Variants in RGL1 observed in about 807,000 individuals in gnomAD.
RGL1 encodes the protein ral guanine nucleotide dissociation stimulator-like 1.
Under a neutral mutation model 95.2 loss-of-function variants are expected in RGL1, and 24 were observed. That is an observed-to-expected ratio of 0.25 (90% CI 0.18 to 0.35). The LOEUF (loss-of-function observed/expected upper bound fraction) is 0.35, where lower values mean the gene tolerates loss of function less well. RGL1 is among the 10% of genes least tolerant of loss of function. The pLI is 1.00. For missense variants in RGL1, 715 were observed against 936.3 expected (o/e 0.76, Z 3.08); for synonymous variants, 329 against 344.9 (o/e 0.95, Z 0.51).
intron 16 of RGL1, 69 bp downstream of exon 16, chr1:183,916,770 C>T: frequency 6.5e-7 from 1 of 1,546,088 alleles, no homozygotes; most frequent in South Asian, 1.2e-5. Flanking sequence ...GTCGGCCGCT[C>T]AGACTAATAG....
chr1:183,657,807 G>A (rs1434040935), intron 1 of RGL1, among the ~76,000 whole-genome samples: 1 of 151,774 alleles, frequency 6.6e-6, no homozygotes, highest in African/African-American at 2.4e-5. Context: ...TATATACCCA[G>A]TAATGGGATG....
chr1:183,715,597 A>T (rs1655570490), intron 1 of RGL1, among the ~76,000 whole-genome samples: 1 of 152,160 alleles, frequency 6.6e-6, no homozygotes, highest in Admixed American at 6.5e-5. Context: ...ACACCAAGTA[A>T]CTAAGAATTG....
At chr1:183,690,005 A>G (rs1437097456) in intron 1 of RGL1, among the ~76,000 whole-genome samples, 1 of 152,220 alleles carries the variant, frequency 6.6e-6, no homozygotes, top group Non-Finnish European at 1.5e-5. Context: ...CTGTGTGTCT[A>G]TGAGGAAGTT....
At chr1:183,824,459 C>T (rs892303390) in intron 2 of RGL1, among the ~76,000 whole-genome samples, 3 of 152,104 alleles carry the variant, frequency 2.0e-5, no homozygotes, top group African/African-American at 7.2e-5. Context: ...GATCATTTTC[C>T]TTGATAGGGA....
intron 1 of RGL1, among the ~76,000 whole-genome samples, chr1:183,725,314 A>T (rs1329178439): frequency 6.6e-6 from 1 of 152,208 alleles, no homozygotes. Flanking sequence ...TCAGTAATTT[A>T]TAAAGGAAAG....
intron 5 of RGL1, among the ~76,000 whole-genome samples, chr1:183,882,754 G>C (rs547045395): frequency 6.6e-6 from 1 of 152,110 alleles, no homozygotes; most frequent in African/African-American, 2.4e-5. Flanking sequence ...GTCCACTCTC[G>C]GAAGCTCCTT....
In RGL1 at chr1:183,719,273, T is replaced by G. The variant is rs192124801; in HGVS notation, c.-32-22853T>G. Among the ~76,000 whole-genome samples, 6 of 152,352 alleles carry G rather than the reference T, an allele frequency of 3.9e-5. No homozygotes were observed. The East Asian group carries it at 9.6e-4, about 24-fold the overall frequency. On this transcript the variant is annotated intron_variant, in intron 1 of 18. Coordinates refer to the RGL1 transcript ENST00000304685. The stretch of plus-strand genomic sequence containing the variant: ...ATTCATTGATAGTCCAAGTTGAGTA[T>G]GTTTTGAGACACTTACTGAGCAGTC...
chr1:183,904,624 G>A (rs1668209002), intron 12 of RGL1, among the ~76,000 whole-genome samples: 1 of 152,068 alleles, frequency 6.6e-6, no homozygotes. Context: ...GGAGAAAAGA[G>A]GATTAAAAAT....
chr1:183,663,085 G>C (rs1284850059), intron 1 of RGL1, among the ~76,000 whole-genome samples: 2 of 151,212 alleles, frequency 1.3e-5, no homozygotes, highest in Non-Finnish European at 3.0e-5. Context: ...AGACTTAAAC[G>C]TTAGACCTAA....
At chr1:183,885,133 T>C (rs1008127310) in intron 7 of RGL1, among the ~76,000 whole-genome samples, 195 bp downstream of exon 7, 1 of 152,224 alleles carries the variant, frequency 6.6e-6, no homozygotes, top group Non-Finnish European at 1.5e-5. Context: ...TTTATTTTCC[T>C]CTTTTTTAAA....
chr1:183,834,700 A>G (rs745646336), intron 2 of RGL1, among the ~76,000 whole-genome samples: 15 of 151,330 alleles, frequency 9.9e-5, no homozygotes, highest in Non-Finnish European at 1.6e-4. Flanking sequence ...TATTTTTTTT[A>G]TTTTTAGAGA....
intron 14 of RGL1, among the ~76,000 whole-genome samples, chr1:183,911,526 G>A (rs903069874): frequency 1.3e-5 from 2 of 152,180 alleles, no homozygotes; most frequent in South Asian, 2.1e-4. Context: ...GAACTAGCTC[G>A]CGTGCTTCTG....
chr1:183,922,277 A>G lies in RGL1; in HGVS notation c.2060A>G (p.Asn687Ser), dbSNP rs773977972. The change falls in exon 17 of 18, where the codon AAT becomes AGT. Residue 687 changes from asparagine (N) to serine (S), a missense_variant. Transcript: ENST00000360851. ...AVIQRAMLKHNLDSDPAEEYE... is the reference protein window; with the variant it reads ...AVIQRAMLKHSLDSDPAEEYE... ...ATCCAGAGAGCCATGCTGAAGCACA[A>G]TCTGGACTCAGACCCCGCCGAGGAG... The G allele has an allele frequency of 1.9e-6, 3 of 1,614,020 alleles. No individual in the cohort carries two copies. Among genetic ancestry groups the G allele is most frequent in the Admixed American group, 1.7e-5 (1 of 60,002 alleles).
intron 7 of RGL1, among the ~76,000 whole-genome samples, chr1:183,887,253 A>G (rs1667175663): frequency 1.6e-5 from 1 of 64,272 alleles, no homozygotes. Flanking sequence ...GAGGACATTG[A>G]GGCATTTAAA....
chr1:183,896,598 G>C (rs925784944), intron 9 of RGL1, among the ~76,000 whole-genome samples: 1 of 152,166 alleles, frequency 6.6e-6, no homozygotes, highest in African/African-American at 2.4e-5. Flanking sequence ...GGAAGGTCAC[G>C]TGCTATGGTA....
chr1:183,638,567 C>G (rs1649700046), intron 1 of RGL1, among the ~76,000 whole-genome samples: 1 of 152,078 alleles, frequency 6.6e-6, no homozygotes. Flanking sequence ...AGAAATCTGT[C>G]TTTAATTATC....
intron 1 of RGL1, among the ~76,000 whole-genome samples, chr1:183,650,366 AC>A (rs1426837315): frequency 2.0e-5 from 3 of 151,874 alleles, no homozygotes; most frequent in African/African-American, 4.8e-5. Flanking sequence ...ACATGGTGAA[AC>A]CCCGTCTCTA....
intron 1 of RGL1, among the ~76,000 whole-genome samples, chr1:183,727,756 G>T (rs1044504945): frequency 6.6e-6 from 1 of 152,152 alleles, no homozygotes; most frequent in African/African-American, 2.4e-5. Context: ...ATTTTAGTAA[G>T]ATTTCAGGAT....
intron 1 of RGL1, among the ~76,000 whole-genome samples, chr1:183,672,263 T>A (rs1345649253): frequency 6.6e-6 from 1 of 152,226 alleles, no homozygotes; most frequent in Non-Finnish European, 1.5e-5. Flanking sequence ...TTCACTATGA[T>A]GTGTTTAGGT....
Sources: gnomAD v4.1 joint callset for allele counts (sites outside exome capture counted in the v4.1 genomes callset) on GRCh38, gnomAD v4.1.1 for gene constraint, MANE v1.5 for transcripts, NCBI Gene and HGNC (gene_info 2026-07-23, HGNC 2026-07-21) for gene names.